OR9Q1: variants seen among roughly 807,000 people sequenced by gnomAD.
OR9Q1 encodes olfactory receptor family 9 subfamily Q member 1, also known as olfactory receptor 9Q1.
For missense variants in OR9Q1, 374 were observed against 378.8 expected (o/e 0.99, Z 0.11); for synonymous variants, 153 against 148.6 (o/e 1.03, Z -0.22).
At position 58,136,079 on chromosome 11, in the gene OR9Q1, T is replaced by C. The variant is rs77376841; in HGVS notation, c.-14-43352T>C. Reference sequence around the variant, plus strand: ...GGTGTAGTAGAGATTTTGGGGAGCATTAATAATTTAAAAGAGCAGACAATC... The same window carrying C: ...GGTGTAGTAGAGATTTTGGGGAGCACTAATAATTTAAAAGAGCAGACAATC... On this transcript the variant is annotated intron_variant, in intron 2 of 2. Coordinates refer to ENST00000335397, the MANE Select transcript of OR9Q1 (RefSeq NM_001005212.4). Among the ~76,000 whole-genome samples, 246 of 152,208 alleles carry C rather than the reference T, an allele frequency of 1.6e-3. 1 individual carries two copies. The highest frequency in any genetic ancestry group is 2.8e-3 in the Non-Finnish European group (192 of 68,014).
intron 1 of OR9Q1, among the ~76,000 whole-genome samples, chr11:58,055,568 G>A (rs1367193911): frequency 2.0e-5 from 3 of 152,122 alleles, no homozygotes; most frequent in African/African-American, 7.2e-5. Context: ...GGAGGCTGAG[G>A]CAGAAGGATC....
At chr11:58,087,751 T>A (rs1450931537) in intron 2 of OR9Q1, among the ~76,000 whole-genome samples, 3 of 149,544 alleles carry the variant, frequency 2.0e-5, no homozygotes, top group Non-Finnish European at 4.4e-5. Context: ...GTGTGTGAGG[T>A]TCCCCTCCCT....
intron 2 of OR9Q1, among the ~76,000 whole-genome samples, chr11:58,076,405 G>C (rs1178198920): frequency 1.3e-5 from 2 of 152,150 alleles, no homozygotes; most frequent in Non-Finnish European, 2.9e-5. Context: ...TTGCATAGCT[G>C]TGGTGCCCAT....
At chr11:58,036,053 T>A (rs1853097927) in intron 1 of OR9Q1, among the ~76,000 whole-genome samples, 2 of 152,164 alleles carry the variant, frequency 1.3e-5, no homozygotes, top group South Asian at 4.1e-4. Flanking sequence ...TGTCACATTT[T>A]AGTAATTCTC....
chr11:58,031,927 TTTCCTTGCCTTGG>T, intron 1 of OR9Q1: 1 of 1,416,366 alleles, frequency 7.1e-7, no homozygotes. Flanking sequence ...GGGAACCCAG[TTTCCTTGCCTTGG>T]ATATTTAAAA....
At chr11:58,059,454 G>A (rs935636498) in intron 2 of OR9Q1, among the ~76,000 whole-genome samples, 1 of 152,032 alleles carries the variant, frequency 6.6e-6, no homozygotes, top group South Asian at 2.1e-4. Flanking sequence ...CCAGCACTTT[G>A]GGAGGCTGAG....
At position 58,089,178 on chromosome 11, in the gene OR9Q1, G is replaced by A. The variant is rs555871229; in HGVS notation, c.-15+33231G>A. On this transcript the variant is annotated intron_variant, in intron 2 of 2. Coordinates refer to ENST00000335397, the MANE Select transcript of OR9Q1 (RefSeq NM_001005212.4). ...CAAGCGTGAGCCACCATGCCCAGCCGTTGCAATTGGATTTAGTGTTTTAGT... is the reference window on the plus strand; with the variant it reads ...CAAGCGTGAGCCACCATGCCCAGCCATTGCAATTGGATTTAGTGTTTTAGT... 1.4e-3 allele frequency among the ~76,000 whole-genome samples: 207 copies of A among 151,762 alleles called. 4 individuals carry two copies. Among genetic ancestry groups the A allele is most frequent in the African/African-American group, 4.6e-3 (190 of 41,204 alleles).
chr11:58,033,291 GAC>G (rs200362647), intron 1 of OR9Q1, among the ~76,000 whole-genome samples: 6,103 of 152,250 alleles, frequency 0.04, 127 homozygotes, highest in East Asian at 0.061. Context: ...CTATCAAAAT[GAC>G]ACATGCACTT....
At chr11:58,178,412 C>T (rs1854625172) in intron 2 of OR9Q1, among the ~76,000 whole-genome samples, 1 of 152,114 alleles carries the variant, frequency 6.6e-6, no homozygotes, top group African/African-American at 2.4e-5. Context: ...ACAGGGGAAT[C>T]AGATGTGATC....
chr11:58,067,908 C>T (rs2120011354), intron 2 of OR9Q1, among the ~76,000 whole-genome samples: 1 of 152,320 alleles, frequency 6.6e-6, no homozygotes, highest in African/African-American at 2.4e-5. Context: ...CTGGATGAGG[C>T]ATTGATGCAG....
intron 2 of OR9Q1, among the ~76,000 whole-genome samples, chr11:58,091,107 T>C (rs979022863): frequency 6.6e-6 from 1 of 152,106 alleles, no homozygotes; most frequent in Non-Finnish European, 1.5e-5. Context: ...CCAGGATTCA[T>C]TGATTTTTTG....
intron 2 of OR9Q1, among the ~76,000 whole-genome samples, chr11:58,057,484 A>G (rs1015155965): frequency 6.6e-6 from 1 of 152,000 alleles, no homozygotes; most frequent in African/African-American, 2.4e-5. Flanking sequence ...TTCTAGCATT[A>G]CCTCTCTGAC....
At chr11:58,161,548 T>A (rs1374335419) in intron 2 of OR9Q1, among the ~76,000 whole-genome samples, 2 of 122,550 alleles carry the variant, frequency 1.6e-5, no homozygotes, top group Admixed American at 1.7e-4. Flanking sequence ...AGGCTTATTC[T>A]GTTTTTTTTT....
chr11:58,127,488 T>C (rs978978736), intron 2 of OR9Q1, among the ~76,000 whole-genome samples: 5 of 152,182 alleles, frequency 3.3e-5, no homozygotes, highest in African/African-American at 1.2e-4. Flanking sequence ...AATTATGCCA[T>C]GGGCCTAGTT....
intron 1 of OR9Q1, among the ~76,000 whole-genome samples, chr11:58,055,659 G>A (rs997535559): frequency 1.3e-5 from 2 of 152,000 alleles, no homozygotes; most frequent in African/African-American, 2.4e-5. Context: ...ATGTAGCCAG[G>A]CATGGTGGCA....
At chr11:58,177,069 G>A (rs1854613117) in intron 2 of OR9Q1, among the ~76,000 whole-genome samples, 1 of 152,032 alleles carries the variant, frequency 6.6e-6, no homozygotes, top group Admixed American at 6.6e-5. Context: ...TTTCCCAATA[G>A]GTCAGTCTGA....
chr11:58,175,620 A>G (rs1296231179), intron 2 of OR9Q1, among the ~76,000 whole-genome samples: 1 of 152,094 alleles, frequency 6.6e-6, no homozygotes, highest in Non-Finnish European at 1.5e-5. Context: ...TATAGAATGG[A>G]TAAGAATCTC....
chr11:58,166,320 C>A (rs1031431778), intron 2 of OR9Q1, among the ~76,000 whole-genome samples: 2 of 152,120 alleles, frequency 1.3e-5, no homozygotes, highest in African/African-American at 4.8e-5. Context: ...CTCTGTTTCC[C>A]AATCTTCTCG....
chr11:58,095,321 T>C (rs910491467), intron 2 of OR9Q1, among the ~76,000 whole-genome samples: 1 of 152,236 alleles, frequency 6.6e-6, no homozygotes, highest in Non-Finnish European at 1.5e-5. Flanking sequence ...AGCAGCAGCA[T>C]AGATATTCTC....
Sources: gnomAD v4.1 joint callset for allele counts (sites outside exome capture counted in the v4.1 genomes callset) on GRCh38, gnomAD v4.1.1 for gene constraint, MANE v1.5 for transcripts, NCBI Gene and HGNC (gene_info 2026-07-23, HGNC 2026-07-21) for gene names.